Variants in NKAIN3 observed in about 807,000 individuals in gnomAD.
NKAIN3 encodes sodium/potassium-transporting ATPase subunit beta-1-interacting protein 3.
A neutral mutation model predicts 30.2 loss-of-function variants in NKAIN3; 25 were observed. The observed-to-expected ratio is 0.83, with a 90% CI of 0.60 to 1.16. The LOEUF is 1.16. NKAIN3 is among the 50% of genes most tolerant of loss of function. The pLI is 0.00. For missense variants in NKAIN3, 225 were observed against 254.1 expected (o/e 0.89, Z 0.78); for synonymous variants, 91 against 89.6 (o/e 1.02, Z -0.09).
At position 62,557,448 on chromosome 8, in the gene NKAIN3, A is replaced by C. The variant is rs556599747; in HGVS notation, c.55-22091A>C. Among the ~76,000 whole-genome samples, 11 of 152,180 alleles carry C rather than the reference A, an allele frequency of 7.2e-5. No individual in the cohort carries two copies. In the East Asian group the frequency reaches 2.1e-3, roughly 29 times the overall value. On this transcript the variant is annotated intron_variant, in intron 1 of 6. Coordinates refer to ENST00000623646, the MANE Select transcript of NKAIN3 (RefSeq NM_001304533.3). ...TAATGGGATTGCTGGATCAAATAGCAGTTCTACTTTTAGCTCTTAAAAAAA... is the reference window on the plus strand; with the variant it reads ...TAATGGGATTGCTGGATCAAATAGCCGTTCTACTTTTAGCTCTTAAAAAAA...
chr8:62,807,615 C>G (rs1277056393), intron 4 of NKAIN3, among the ~76,000 whole-genome samples: 1 of 145,046 alleles, frequency 6.9e-6, no homozygotes, highest in Non-Finnish European at 1.5e-5. Flanking sequence ...TGCAGTGGCT[C>G]GATCTCGGCT....
At chr8:62,530,415 T>C (rs1434144015) in intron 1 of NKAIN3, among the ~76,000 whole-genome samples, 1 of 152,130 alleles carries the variant, frequency 6.6e-6, no homozygotes, top group Non-Finnish European at 1.5e-5. Flanking sequence ...TGGGGAATCA[T>C]GTGAAATCAC....
At chr8:62,577,550 T>C (rs1308830635) in intron 1 of NKAIN3, among the ~76,000 whole-genome samples, 1 of 150,384 alleles carries the variant, frequency 6.6e-6, no homozygotes, top group Non-Finnish European at 1.5e-5. Flanking sequence ...TTTTTTTTTT[T>C]TTTAGTATTT....
At chr8:62,691,354 C>T (rs984168298) in intron 3 of NKAIN3, among the ~76,000 whole-genome samples, 9 of 151,922 alleles carry the variant, frequency 5.9e-5, no homozygotes, top group East Asian at 1.9e-4. Context: ...CTGATCCTGA[C>T]GCTGTTCCAA....
intron 3 of NKAIN3, among the ~76,000 whole-genome samples, chr8:62,691,245 T>C (rs16929411): frequency 0.065 from 9,861 of 152,160 alleles, 949 homozygotes; most frequent in African/African-American, 0.21. Context: ...GGTGTTATTG[T>C]AGAGAGGTGC....
intron 2 of NKAIN3, among the ~76,000 whole-genome samples, chr8:62,588,882 C>T (rs1489435110): frequency 6.6e-6 from 1 of 151,800 alleles, no homozygotes; most frequent in East Asian, 1.9e-4. Context: ...CTGTATGTCA[C>T]TTTTCTGGGC....
intron 4 of NKAIN3, among the ~76,000 whole-genome samples, chr8:62,870,068 C>G (rs991431623): frequency 6.6e-6 from 1 of 151,580 alleles, no homozygotes; most frequent in Non-Finnish European, 1.5e-5. Flanking sequence ...CCGCGCCCAG[C>G]CCCAGCCCCC....
At chr8:62,896,644 C>T (rs1293859757) in intron 4 of NKAIN3, among the ~76,000 whole-genome samples, 1 of 152,096 alleles carries the variant, frequency 6.6e-6, no homozygotes, top group Non-Finnish European at 1.5e-5. Context: ...TTTTTAAGTC[C>T]ACTGTTAGCA....
At chr8:62,520,730 A>G (rs1037288463) in intron 1 of NKAIN3, among the ~76,000 whole-genome samples, 8 of 152,090 alleles carry the variant, frequency 5.3e-5, no homozygotes, top group Non-Finnish European at 1.2e-4. Context: ...CATTTCGAGT[A>G]TACAGGTGGC....
At chr8:62,818,249 A>G (rs1252783618) in intron 4 of NKAIN3, among the ~76,000 whole-genome samples, 1 of 152,172 alleles carries the variant, frequency 6.6e-6, no homozygotes, top group African/African-American at 2.4e-5. Context: ...GGAAAGCCAA[A>G]TGAAGTGTTC....
At chr8:62,772,422 A>G (rs1311884336) in intron 4 of NKAIN3, among the ~76,000 whole-genome samples, 1 of 152,138 alleles carries the variant, frequency 6.6e-6, no homozygotes, top group Non-Finnish European at 1.5e-5. Flanking sequence ...AGTCTTCTCC[A>G]CAGTAGTTGT....
At chr8:62,600,662 A>T (rs1054375541) in intron 3 of NKAIN3, among the ~76,000 whole-genome samples, 1 of 152,066 alleles carries the variant, frequency 6.6e-6, no homozygotes, top group Non-Finnish European at 1.5e-5. Flanking sequence ...TTTAACAGCT[A>T]TGCTTTTTCT....
intron 3 of NKAIN3, among the ~76,000 whole-genome samples, chr8:62,606,529 C>T (rs920369657): frequency 6.6e-6 from 1 of 152,004 alleles, no homozygotes; most frequent in African/African-American, 2.4e-5. Context: ...AAAAAAATGG[C>T]ATAAAGAAGT....
chr8:62,746,953 A>C lies in NKAIN3; in HGVS notation c.295A>C (p.Asn99His). The C allele has an allele frequency of 6.2e-7, 1 of 1,611,236 alleles. No homozygotes were observed. The highest frequency in any genetic ancestry group is 8.5e-7 in the Non-Finnish European group (1 of 1,177,640). Residue 99 changes from asparagine (N) to histidine (H), a missense_variant, in exon 4 of 7, where the codon AAT becomes CAT. By Grantham distance (68) the Asn-to-His change is moderately conservative. Transcript: ENST00000623646. ...LSKDTDLMTFNISVHRSWWRE... is the reference protein window; with the variant it reads ...LSKDTDLMTFHISVHRSWWRE... ...CTAGGACACCGATCTAATGACATTCAATATCTCTGTACATCGGTCATGGTG... is the reference window on the plus strand; with the variant it reads ...CTAGGACACCGATCTAATGACATTCCATATCTCTGTACATCGGTCATGGTG...
chr8:62,991,317 C>T (rs558175920), intron 5 of NKAIN3, among the ~76,000 whole-genome samples: 1 of 152,288 alleles, frequency 6.6e-6, no homozygotes, highest in South Asian at 2.1e-4. Context: ...CTCAATACCA[C>T]CTCTTTGGGT....
intron 3 of NKAIN3, among the ~76,000 whole-genome samples, chr8:62,698,753 A>C (rs1814242625): frequency 1.3e-5 from 2 of 152,182 alleles, no homozygotes; most frequent in African/African-American, 4.8e-5. Context: ...TCAACTACAA[A>C]TTTGGGAGAG....
chr8:62,378,111 G>C (rs1817152419), intron 1 of NKAIN3, among the ~76,000 whole-genome samples: 1 of 152,192 alleles, frequency 6.6e-6, no homozygotes, highest in African/African-American at 2.4e-5. Flanking sequence ...ATGAAGTCCA[G>C]GCTGAGGTGG....
intron 3 of NKAIN3, among the ~76,000 whole-genome samples, chr8:62,639,123 G>A (rs1238434159): frequency 6.6e-6 from 1 of 152,166 alleles, no homozygotes; most frequent in Non-Finnish European, 1.5e-5. Context: ...ACTGTAGGCT[G>A]AGGCAGACAG....
Position 62,327,962 on chromosome 8 carries a change from T to C in NKAIN3, c.54+78835T>C, listed in dbSNP as rs540155040. 7.3e-4 allele frequency among the ~76,000 whole-genome samples: 111 copies of C among 152,202 alleles called. 1 individual carries two copies. Among genetic ancestry groups the C allele is most frequent in the Non-Finnish European group, 1.3e-3 (90 of 67,990 alleles). ...TCTTTTAAAATTATTTTTAGCAATG[T>C]TTTAGAGTTTTCATTGCAGAGGAAT... On this transcript the variant is annotated intron_variant, in intron 1 of 6. Transcript: ENST00000623646.
Sources: gnomAD v4.1 joint callset for allele counts (sites outside exome capture counted in the v4.1 genomes callset) on GRCh38, gnomAD v4.1.1 for gene constraint, MANE v1.5 for transcripts, NCBI Gene and HGNC (gene_info 2026-07-23, HGNC 2026-07-21) for gene names.